Variants in SUV39H2 observed in about 807,000 individuals in gnomAD.
SUV39H2 encodes SUV39H2 histone lysine methyltransferase, also known as histone-lysine N-methyltransferase SUV39H2.
In SUV39H2, 10 loss-of-function variants were observed where a neutral mutation model predicts 47.5. The ratio of observed to expected loss-of-function variants is 0.21; its 90% CI spans 0.13 to 0.36. The LOEUF (loss-of-function observed/expected upper bound fraction) is 0.36, where lower values mean the gene tolerates loss of function less well. Ranked by LOEUF, SUV39H2 falls within the 10% of genes least tolerant of loss-of-function variation. SUV39H2 has a pLI of 1.00. For synonymous variants in SUV39H2, 159 were observed against 166.8 expected (o/e 0.95, Z 0.36); for missense variants, 266 against 487.4 (o/e 0.55, Z 4.28).
chr10:14,886,207 C>T (rs954475289), intron 2 of SUV39H2, among the ~76,000 whole-genome samples: 2 of 152,120 alleles, frequency 1.3e-5, no homozygotes, highest in African/African-American at 4.8e-5. Context: ...CTTTTGTGTC[C>T]CCTTTCCTCA....
downstream of SUV39H2, chr10:14,904,315 A>ATTTT (rs35999949): frequency 2.1e-4 from 16 of 77,770 alleles, no homozygotes; most frequent in East Asian, 1.2e-3. Context: ...AAAAAAAAAA[A>ATTTT]TTTTTTTTTT....
At chr10:14,899,234 C>A (rs60006238) in intron 3 of SUV39H2, 1 of 701,878 alleles carries the variant, frequency 1.4e-6, no homozygotes. Flanking sequence ...GCAGGAAGAT[C>A]GCTTGATCCC....
At chr10:14,899,199 T>C (rs1399953248) in intron 3 of SUV39H2, 1 of 701,948 alleles carries the variant, frequency 1.4e-6, no homozygotes, top group African/African-American at 1.7e-5. Context: ...TATGCACCTG[T>C]GATCCAGCTA....
At chr10:14,889,873 A>G (rs1257605097) in intron 2 of SUV39H2, among the ~76,000 whole-genome samples, 4 of 152,212 alleles carry the variant, frequency 2.6e-5, no homozygotes, top group Non-Finnish European at 5.9e-5. Flanking sequence ...CTGCAGCATT[A>G]TTGTTGCTAC....
rs942381198 is a variant in SUV39H2, at chr10:14,902,616, T to C, written c.*104T>C. 10 of 713,244 alleles carry C rather than the reference T, an allele frequency of 1.4e-5. No individual in the cohort carries two copies. The Admixed American group carries it at 2.1e-4, about 15-fold the overall frequency. The allele number at this position is 713,244 out of a possible 1,614,324, so 44.2% of individuals were successfully genotyped here. A position where few individuals can be genotyped will look rare whatever the true frequency, so the allele number is the denominator to read the frequency against. On this transcript the variant is annotated 3_prime_UTR_variant, in exon 6 of 6. Coordinates refer to ENST00000354919, the MANE Select transcript of SUV39H2 (RefSeq NM_001193424.2). Reference sequence around the variant, plus strand: ...TCTTATTATCAAGGTTCTACCTATGTTAATTTACAATTCATGTTTCAAGAC... The same window carrying C: ...TCTTATTATCAAGGTTCTACCTATGCTAATTTACAATTCATGTTTCAAGAC...
At chr10:14,896,812 C>A in intron 2 of SUV39H2, 34 bp from the exon 3 acceptor site, 1 of 1,495,952 alleles carries the variant, frequency 6.7e-7, no homozygotes. Flanking sequence ...AAATAGCCGT[C>A]TGATTTGCAT....
At chr10:14,879,120 C>T (rs1002578702) in intron 1 of SUV39H2, 2 of 1,268,088 alleles carry the variant, frequency 1.6e-6, no homozygotes, top group Non-Finnish European at 2.0e-6. Flanking sequence ...CCGGCTCCCG[C>T]CGCGGAGGTG....
chr10:14,886,190 T>C (rs374265163), intron 2 of SUV39H2, among the ~76,000 whole-genome samples: 20 of 152,304 alleles, frequency 1.3e-4, no homozygotes, highest in African/African-American at 2.2e-4. Context: ...CTTGAACATA[T>C]CATGCACTTT....
At chr10:14,881,861 C>G (rs1025391007) in intron 2 of SUV39H2, among the ~76,000 whole-genome samples, 1 of 152,210 alleles carries the variant, frequency 6.6e-6, no homozygotes, top group Admixed American at 6.5e-5. Context: ...TTCAGGTGCT[C>G]ATATCCCTCT....
intron 2 of SUV39H2, among the ~76,000 whole-genome samples, chr10:14,889,103 CAA>C (rs72496731): frequency 5.1e-4 from 65 of 127,884 alleles, no homozygotes; most frequent in African/African-American, 1.1e-3. Flanking sequence ...AACTCTGTCT[CAA>C]AAAAAAAAAA....
chr10:14,886,152 AG>A (rs766069946), intron 2 of SUV39H2, among the ~76,000 whole-genome samples: 11 of 152,218 alleles, frequency 7.2e-5, no homozygotes, highest in Non-Finnish European at 1.6e-4. Flanking sequence ...ACATAGCTGA[AG>A]AACAGACCCA....
intron 3 of SUV39H2, chr10:14,898,732 C>G (rs890677530): frequency 2.0e-5 from 3 of 152,690 alleles, no homozygotes; most frequent in East Asian, 1.9e-4. Context: ...AAGAGCAGAA[C>G]TGTAGATGAC....
At chr10:14,899,441 T>G (rs1833840241) in intron 3 of SUV39H2, 98 bp from the exon 4 acceptor site, 1 of 1,327,776 alleles carries the variant, frequency 7.5e-7, no homozygotes, top group Non-Finnish European at 1.0e-6. Context: ...TTTCTTACTT[T>G]TTAAATATTT....
At chr10:14,889,418 T>G (rs936587523) in intron 2 of SUV39H2, among the ~76,000 whole-genome samples, 2 of 152,206 alleles carry the variant, frequency 1.3e-5, no homozygotes, top group African/African-American at 4.8e-5. Context: ...ATACAAAAGT[T>G]TATATCTCAG....
intron 2 of SUV39H2, among the ~76,000 whole-genome samples, chr10:14,889,567 A>C (rs992983788): frequency 1.3e-5 from 2 of 152,192 alleles, no homozygotes; most frequent in African/African-American, 4.8e-5. Context: ...CATCCACCTT[A>C]TCTCTAGCTC....
intron 2 of SUV39H2, among the ~76,000 whole-genome samples, chr10:14,893,400 T>TA (rs971880981): frequency 1.3e-5 from 2 of 151,862 alleles, no homozygotes; most frequent in Admixed American, 6.6e-5. Flanking sequence ...GAAGTGGCTT[T>TA]AAAAAAAAAT....
chr10:14,899,813 G>T (rs1833869415), intron 4 of SUV39H2, 128 bp downstream of exon 4: 11 of 1,140,254 alleles, frequency 9.6e-6, no homozygotes, highest in Non-Finnish European at 1.1e-5. Context: ...ATTTTATAAG[G>T]AGGGCAGCTT....
chr10:14,888,705 G>C (rs1425055254), intron 2 of SUV39H2, among the ~76,000 whole-genome samples: 1 of 152,070 alleles, frequency 6.6e-6, no homozygotes, highest in Non-Finnish European at 1.5e-5. Context: ...CAGCAGGAGA[G>C]TATTAAACAG....
intron 2 of SUV39H2, among the ~76,000 whole-genome samples, chr10:14,889,039 G>T (rs1167644122): frequency 6.6e-6 from 1 of 151,970 alleles, no homozygotes; most frequent in African/African-American, 2.4e-5. Context: ...GGAGGCAGAG[G>T]TTGCAGTGAG....
Sources: gnomAD v4.1 joint callset for allele counts (sites outside exome capture counted in the v4.1 genomes callset) on GRCh38, gnomAD v4.1.1 for gene constraint, MANE v1.5 for transcripts, NCBI Gene and HGNC (gene_info 2026-07-23, HGNC 2026-07-21) for gene names.